Variants in USH2A observed in about 807,000 individuals in gnomAD.
USH2A encodes the protein usherin.
Under a neutral mutation model 538.9 loss-of-function variants are expected in USH2A, and 443 were observed. That is an observed-to-expected ratio of 0.82 (90% CI 0.76 to 0.89). The LOEUF (loss-of-function observed/expected upper bound fraction) is 0.89, where lower values mean the gene tolerates loss of function less well. Among genes scored for constraint, USH2A ranks in the 40% least tolerant of loss-of-function variants. The pLI is 0.00. For missense variants in USH2A, 6,633 were observed against 6,324.8 expected (o/e 1.05, Z -1.65); for synonymous variants, 2,413 against 2,273.5 (o/e 1.06, Z -1.75).
At chr1:216,156,988 C>T (rs1049852235) in intron 21 of USH2A, among the ~76,000 whole-genome samples, 5 of 151,928 alleles carry the variant, frequency 3.3e-5, no homozygotes, top group African/African-American at 4.8e-5. Context: ...ATTCTCCTGC[C>T]TCAGCCTCCT....
intron 38 of USH2A, among the ~76,000 whole-genome samples, chr1:215,929,593 AAG>A (rs1444547376): frequency 6.6e-6 from 1 of 152,060 alleles, no homozygotes; most frequent in Non-Finnish European, 1.5e-5. Context: ...GGTCCCCAAA[AAG>A]AGTCTTAGTA....
intron 58 of USH2A, among the ~76,000 whole-genome samples, chr1:215,756,438 T>A (rs180900657): frequency 1.3e-5 from 2 of 152,284 alleles, no homozygotes; most frequent in Admixed American, 1.3e-4. Flanking sequence ...GGCAAAGAAA[T>A]CATCAACCTT....
At chr1:216,377,923 G>T (rs2038866358) in intron 3 of USH2A, among the ~76,000 whole-genome samples, 1 of 151,302 alleles carries the variant, frequency 6.6e-6, no homozygotes, top group Non-Finnish European at 1.5e-5. Context: ...GAGAAAGAAA[G>T]AGAAAAAAGA....
At chr1:215,704,810 G>A (rs780136577) in intron 61 of USH2A, among the ~76,000 whole-genome samples, 1 of 152,166 alleles carries the variant, frequency 6.6e-6, no homozygotes. Context: ...TTGGAAGAGT[G>A]TCTTGACTCC....
chr1:216,084,813 C>T lies in USH2A; in HGVS notation c.5052G>A (p.Pro1684=), dbSNP rs747119023. The T allele has an allele frequency of 4.1e-5, 66 of 1,613,398 alleles. 1 individual carries two copies. The South Asian group carries it at 4.7e-4, about 12-fold the overall frequency. The change falls in exon 25 of 72, where the codon CCG becomes CCA. Residue 1684 remains proline, a synonymous_variant. Coordinates refer to ENST00000307340, the MANE Select transcript of USH2A (RefSeq NM_206933.4). The part of the protein sequence containing the change: ...KDVHFMKNYN[P]SAIWEPLDWQ... ...AATCCAGAGGTTCCCAAATAGCTGA[C>T]GGATTGTAATTCTTCATAAAATGTA...
In USH2A at chr1:215,827,340, C is replaced by T. The variant is rs369664583; in HGVS notation, c.9372-10145G>A. Among the ~76,000 whole-genome samples, 15 of 152,214 alleles carry T rather than the reference C, an allele frequency of 9.9e-5. No homozygotes were observed. In the East Asian group the frequency reaches 1.7e-3, roughly 18 times the overall value. ...AATTAGGAGGAAGAACTGGATTTTG[C>T]TGAAAGGCACTCAAAGGCTACTTCA... On this transcript the variant is annotated intron_variant, in intron 47 of 71. Transcript: ENST00000307340.
At chr1:215,820,906 TA>T (rs1662994248) in intron 47 of USH2A, among the ~76,000 whole-genome samples, 1 of 151,346 alleles carries the variant, frequency 6.6e-6, no homozygotes, top group East Asian at 2.0e-4. Context: ...CATGTTGCTG[TA>T]AATAATAGGA....
chr1:215,915,602 G>A (rs563766523), intron 38 of USH2A, among the ~76,000 whole-genome samples: 1 of 152,194 alleles, frequency 6.6e-6, no homozygotes, highest in Admixed American at 6.6e-5. Flanking sequence ...AGAAACAAGA[G>A]TTCAAACATT....
chr1:216,413,652 A>T (rs2039529481), intron 3 of USH2A, among the ~76,000 whole-genome samples: 2 of 152,046 alleles, frequency 1.3e-5, no homozygotes, highest in South Asian at 4.1e-4. Context: ...TCATTGTATC[A>T]TATTAGAACT....
chr1:216,101,144 A>G (rs2032569307), intron 21 of USH2A, among the ~76,000 whole-genome samples: 1 of 152,362 alleles, frequency 6.6e-6, no homozygotes, highest in African/African-American at 2.4e-5. Context: ...TCACTGAAAC[A>G]TATTCTTGAC....
intron 16 of USH2A, chr1:216,204,248 C>G (rs952820762): frequency 6.6e-6 from 1 of 152,246 alleles, no homozygotes; most frequent in Admixed American, 6.5e-5. Context: ...TCCTATGACA[C>G]GTAAGATACC....
chr1:216,102,092 C>A (rs945345434), intron 21 of USH2A, among the ~76,000 whole-genome samples: 21 of 151,298 alleles, frequency 1.4e-4, no homozygotes, highest in Non-Finnish European at 2.5e-4. Flanking sequence ...TTTTGGCTAT[C>A]AAAAGGTATG....
chr1:216,085,251 A>T, intron 24 of USH2A: 1 of 252,490 alleles, frequency 4.0e-6, no homozygotes, highest in Non-Finnish European at 7.8e-6. Context: ...TATATAGTTT[A>T]CAGTTTAGAT....
chr1:216,373,370 T>A (rs2038752577), intron 3 of USH2A, among the ~76,000 whole-genome samples: 2 of 152,222 alleles, frequency 1.3e-5, no homozygotes, highest in Admixed American at 1.3e-4. Context: ...TTCTCTCTAT[T>A]GAGGTGTTCC....
At chr1:215,849,978 T>C (rs1157353848) in intron 44 of USH2A, among the ~76,000 whole-genome samples, 5 of 81,452 alleles carry the variant, frequency 6.1e-5, no homozygotes, top group Admixed American at 4.4e-4. Flanking sequence ...ATAAAACTAA[T>C]TAATTGATCT....
chr1:215,965,191 T>G, intron 37 of USH2A, 126 bp downstream of exon 37: 1 of 1,128,374 alleles, frequency 8.9e-7, no homozygotes, highest in Middle Eastern at 3.0e-4. Context: ...GTATAGGTTA[T>G]TTTCAGGAAA....
At position 216,292,119 on chromosome 1, in the gene USH2A, T is replaced by C. The variant is rs1571668426; in HGVS notation, c.1840+56A>G. 7.1e-6 allele frequency: 11 copies of C among 1,549,644 alleles called. No individual in the cohort carries two copies. The East Asian group carries it at 2.5e-4, about 35-fold the overall frequency. On this transcript the variant is annotated intron_variant, in intron 10 of 71. Transcript: ENST00000307340. The stretch of plus-strand genomic sequence containing the variant: ...TAACATAATTTAAAATAATATGCAT[T>C]GTAGATAGAAGCACACAGGCCTCCA...
At chr1:215,818,023 TCTTC>T (rs1036538991) in intron 47 of USH2A, among the ~76,000 whole-genome samples, 47 of 152,026 alleles carry the variant, frequency 3.1e-4, no homozygotes, top group Non-Finnish European at 5.7e-4. Context: ...ATATATTTTC[TCTTC>T]CTTATGATTT....
At chr1:216,324,627 T>C (rs991356210) in intron 6 of USH2A, among the ~76,000 whole-genome samples, 2 of 152,182 alleles carry the variant, frequency 1.3e-5, no homozygotes, top group Non-Finnish European at 2.9e-5. Flanking sequence ...AAATGTCATA[T>C]ATAGAGACTT....
Sources: gnomAD v4.1 joint callset for allele counts (sites outside exome capture counted in the v4.1 genomes callset) on GRCh38, gnomAD v4.1.1 for gene constraint, MANE v1.5 for transcripts, NCBI Gene and HGNC (gene_info 2026-07-23, HGNC 2026-07-21) for gene names.